ADGRL2: variants seen among roughly 807,000 people sequenced by gnomAD.
ADGRL2 encodes calcium-independent alpha-latrotoxin receptor 2.
In ADGRL2, 44 loss-of-function variants were observed where a neutral mutation model predicts 157.4. That is an observed-to-expected ratio of 0.28 (90% confidence interval 0.22 to 0.36). ADGRL2 has a LOEUF of 0.36. Among genes scored for constraint, ADGRL2 ranks in the 10% least tolerant of loss-of-function variants. ADGRL2 has a pLI of 1.00. For missense variants in ADGRL2, 1,510 were observed against 1,768.9 expected (o/e 0.85, Z 2.63); for synonymous variants, 585 against 624.7 (o/e 0.94, Z 0.95).
chr1:81,678,722 T>C (rs2083046572), intron 3 of ADGRL2, among the ~76,000 whole-genome samples: 2 of 152,190 alleles, frequency 1.3e-5, no homozygotes, highest in Admixed American at 6.5e-5. Context: ...TCTCCCCTTC[T>C]ATTAAACAGT....
chr1:81,427,249 C>T (rs542616165), intron 1 of ADGRL2: 33 of 754,938 alleles, frequency 4.4e-5, no homozygotes, highest in South Asian at 1.1e-4. Context: ...GTGGTGGCAG[C>T]GGAAATAGTT....
intron 2 of ADGRL2, among the ~76,000 whole-genome samples, chr1:81,886,411 C>G (rs2094129923): frequency 6.6e-6 from 1 of 152,154 alleles, no homozygotes. Context: ...ACCTCGTGAT[C>G]TGCCCGTCTC....
intron 2 of ADGRL2, among the ~76,000 whole-genome samples, chr1:81,516,600 AT>A (rs2079183477): frequency 6.6e-6 from 1 of 152,254 alleles, no homozygotes; most frequent in African/African-American, 2.4e-5. Flanking sequence ...AATGTTTTCA[AT>A]AATCATGAAA....
chr1:81,583,019 T>C (rs2148549919), intron 3 of ADGRL2, among the ~76,000 whole-genome samples: 1 of 152,318 alleles, frequency 6.6e-6, no homozygotes, highest in East Asian at 1.9e-4. Flanking sequence ...CCATGTGTCA[T>C]GGGTTAGAGG....
chr1:81,971,583 G>T (rs574737419), intron 16 of ADGRL2, among the ~76,000 whole-genome samples: 1 of 152,274 alleles, frequency 6.6e-6, no homozygotes, highest in South Asian at 2.1e-4. Flanking sequence ...GGATTCAGTG[G>T]TGGAGTGGTG....
intron 2 of ADGRL2, chr1:81,557,565 TTCTG>T (rs1241386183): frequency 1.3e-5 from 2 of 151,920 alleles, no homozygotes; most frequent in South Asian, 2.1e-4. Context: ...AGAAAGAGCA[TTCTG>T]TCTTTCTTTC....
intron 17 of ADGRL2, 84 bp from the exon 18 acceptor site, chr1:81,979,785 A>T (rs1226490072): frequency 1.3e-6 from 1 of 779,564 alleles, no homozygotes; most frequent in Non-Finnish European, 2.2e-6. Flanking sequence ...TCTTCCATAT[A>T]AACATGGATC....
intron 2 of ADGRL2, among the ~76,000 whole-genome samples, chr1:81,511,288 C>A (rs2079070177): frequency 6.6e-6 from 1 of 151,408 alleles, no homozygotes; most frequent in South Asian, 2.1e-4. Flanking sequence ...CACCTGTAGT[C>A]CCAGCTACTT....
At chr1:81,542,689 A>T (rs1479033706) in intron 2 of ADGRL2, among the ~76,000 whole-genome samples, 1 of 152,216 alleles carries the variant, frequency 6.6e-6, no homozygotes, top group Non-Finnish European at 1.5e-5. Flanking sequence ...TATTATTTTG[A>T]TTATCAATTC....
chr1:81,444,595 G>T (rs530502314), intron 1 of ADGRL2, among the ~76,000 whole-genome samples: 1 of 152,132 alleles, frequency 6.6e-6, no homozygotes, highest in Non-Finnish European at 1.5e-5. Flanking sequence ...AAAGAAACAG[G>T]GTTCCGAAGA....
chr1:81,324,629 A>T (rs2100651275), intron 1 of ADGRL2, among the ~76,000 whole-genome samples: 1 of 151,848 alleles, frequency 6.6e-6, no homozygotes, highest in African/African-American at 2.4e-5. Flanking sequence ...TATCAAGAGA[A>T]TTTGATGATG....
At chr1:81,725,085 A>G (rs2084471796) in intron 1 of ADGRL2, among the ~76,000 whole-genome samples, 2 of 151,156 alleles carry the variant, frequency 1.3e-5, no homozygotes, top group African/African-American at 4.9e-5. Flanking sequence ...GGTGCCTGTA[A>G]TCTCAGCTAC....
intron 17 of ADGRL2, among the ~76,000 whole-genome samples, chr1:81,976,358 C>T (rs1660186915): frequency 6.6e-6 from 1 of 151,860 alleles, no homozygotes; most frequent in Admixed American, 6.6e-5. Context: ...TGTATGCTTT[C>T]AAGTCATGTT....
At chr1:81,803,106 C>T (rs1404445265) in intron 1 of ADGRL2, among the ~76,000 whole-genome samples, 2 of 151,970 alleles carry the variant, frequency 1.3e-5, no homozygotes, top group Non-Finnish European at 2.9e-5. Context: ...GGCTGTGGGG[C>T]AGGGAGCCTC....
chr1:81,722,360 A>G (rs1345210389), intron 1 of ADGRL2: 40 of 735,868 alleles, frequency 5.4e-5, no homozygotes, highest in Middle Eastern at 3.8e-4. Context: ...AGTGGTTGCT[A>G]TTGAAGCCCT....
chr1:81,693,654 T>A (rs1053364553), intron 3 of ADGRL2, among the ~76,000 whole-genome samples: 2 of 152,192 alleles, frequency 1.3e-5, no homozygotes, highest in Non-Finnish European at 2.9e-5. Context: ...GGATTCAGCA[T>A]TTTAAACTCA....
At chr1:81,590,946 A>G (rs2081120089) in intron 3 of ADGRL2, among the ~76,000 whole-genome samples, 1 of 152,158 alleles carries the variant, frequency 6.6e-6, no homozygotes, top group African/African-American at 2.4e-5. Context: ...CAAGACCCTC[A>G]GGATCCACTC....
In ADGRL2 at chr1:81,845,565, C is replaced by A. The variant is rs368548187; in HGVS notation, c.73+8508C>A. 1.1e-3 allele frequency among the ~76,000 whole-genome samples: 171 copies of A among 152,050 alleles called. 6 individuals carry two copies. The South Asian group carries it at 0.032, about 28-fold the overall frequency. On this transcript the variant is annotated intron_variant, in intron 2 of 23. Transcript: ENST00000686636. Reference sequence around the variant, plus strand: ...AATTAAATTTGTAATTTGGGGGATACTTCTGGGGACAAAAACATTTTTTGT... The same window carrying A: ...AATTAAATTTGTAATTTGGGGGATAATTCTGGGGACAAAAACATTTTTTGT...
At chr1:81,760,117 G>A (rs1337129411) in intron 1 of ADGRL2, among the ~76,000 whole-genome samples, 1 of 152,036 alleles carries the variant, frequency 6.6e-6, no homozygotes, top group Non-Finnish European at 1.5e-5. Flanking sequence ...TCTCATACTT[G>A]GCCAATAGTT....
Sources: gnomAD v4.1 joint callset for allele counts (sites outside exome capture counted in the v4.1 genomes callset) on GRCh38, gnomAD v4.1.1 for gene constraint, MANE v1.5 for transcripts, NCBI Gene and HGNC (gene_info 2026-07-23, HGNC 2026-07-21) for gene names.